CHRM2: variants seen among roughly 807,000 people sequenced by gnomAD.
CHRM2 encodes muscarinic acetylcholine receptor M2.
In CHRM2, 8 loss-of-function variants were observed where a neutral mutation model predicts 25.0. The observed-to-expected ratio is 0.32, with a 90% CI of 0.19 to 0.58. The LOEUF (loss-of-function observed/expected upper bound fraction) is 0.58. Among genes scored for constraint, CHRM2 ranks in the 20% least tolerant of loss-of-function variants. The pLI, the probability that CHRM2 is intolerant of heterozygous loss-of-function variation, is 0.88. For missense variants in CHRM2, 440 were observed against 567.1 expected (o/e 0.78, Z 2.28); for synonymous variants, 202 against 205.7 (o/e 0.98, Z 0.15).
intron 2 of CHRM2, among the ~76,000 whole-genome samples, chr7:136,944,488 T>G (rs574270689): frequency 6.7e-6 from 1 of 149,594 alleles, no homozygotes; most frequent in East Asian, 1.9e-4. Context: ...TGTGTGTGTG[T>G]ACATGTATAC....
At chr7:136,991,781 T>C (rs551130158) in intron 2 of CHRM2, among the ~76,000 whole-genome samples, 204 of 152,304 alleles carry the variant, frequency 1.3e-3, no homozygotes, top group African/African-American at 3.8e-3. Flanking sequence ...TTCTGTATGA[T>C]GAAACTTAGC....
At chr7:136,929,654 C>A (rs533295539) in intron 2 of CHRM2, among the ~76,000 whole-genome samples, 1 of 152,140 alleles carries the variant, frequency 6.6e-6, no homozygotes, top group South Asian at 2.1e-4. Context: ...GTGACAATAA[C>A]CTCGTGGTTA....
At chr7:136,997,013 A>G (rs541645902) in intron 3 of CHRM2, among the ~76,000 whole-genome samples, 1 of 152,310 alleles carries the variant, frequency 6.6e-6, no homozygotes, top group Admixed American at 6.5e-5. Context: ...ACCCAGCTGT[A>G]TCTCAACAGT....
intron 2 of CHRM2, among the ~76,000 whole-genome samples, chr7:136,922,743 T>C (rs1197266161): frequency 1.3e-5 from 2 of 152,186 alleles, no homozygotes; most frequent in African/African-American, 2.4e-5. Context: ...CCTGAGCAAC[T>C]AGGAGCAATT....
chr7:136,896,491 A>C (rs1796907721), intron 2 of CHRM2, among the ~76,000 whole-genome samples: 1 of 152,096 alleles, frequency 6.6e-6, no homozygotes, highest in Non-Finnish European at 1.5e-5. Flanking sequence ...TCATTGACTA[A>C]ATTGTAAGCC....
chr7:136,913,773 T>C (rs1175472597), intron 2 of CHRM2, among the ~76,000 whole-genome samples: 1 of 151,976 alleles, frequency 6.6e-6, no homozygotes, highest in Non-Finnish European at 1.5e-5. Flanking sequence ...ATTATAAAGC[T>C]GAAGCCCAGA....
chr7:136,963,978 C>T (rs1801254762), intron 2 of CHRM2, among the ~76,000 whole-genome samples: 2 of 152,056 alleles, frequency 1.3e-5, no homozygotes, highest in South Asian at 4.1e-4. Context: ...CTGCACTGTT[C>T]GGCTGGGTTC....
intron 2 of CHRM2, among the ~76,000 whole-genome samples, chr7:136,905,234 AGTTTTT>A (rs1250190370): frequency 6.6e-6 from 1 of 151,758 alleles, no homozygotes; most frequent in Non-Finnish European, 1.5e-5. Flanking sequence ...TAAGCTTTTC[AGTTTTT>A]GAGTTGTTTG....
intron 2 of CHRM2, among the ~76,000 whole-genome samples, chr7:136,949,808 C>T (rs1430166609): frequency 4.0e-5 from 6 of 151,192 alleles, no homozygotes; most frequent in African/African-American, 1.2e-4. Flanking sequence ...GGCGCGATCT[C>T]GGCTCACTGC....
At chr7:136,985,088 C>A (rs1802757063) in intron 2 of CHRM2, among the ~76,000 whole-genome samples, 1 of 152,130 alleles carries the variant, frequency 6.6e-6, no homozygotes, top group Non-Finnish European at 1.5e-5. Flanking sequence ...GTTCTAGTAT[C>A]ATGGTAAGGT....
intron 3 of CHRM2, among the ~76,000 whole-genome samples, chr7:137,001,627 G>A (rs763423917): frequency 3.9e-5 from 6 of 152,112 alleles, no homozygotes; most frequent in African/African-American, 9.7e-5. Flanking sequence ...AGATTTGGCC[G>A]TGGCACACTG....
At position 137,015,759 on chromosome 7, in the gene CHRM2, T is replaced by C. The variant is rs1217220669; in HGVS notation, c.894T>C (p.Asp298=). ...GTGCTGTTGCCTCTAATATGAGAGA[T>C]GATGAAATAACCCAGGATGAAAACA... is the stretch of plus-strand genomic sequence containing the variant. ...SVSAVASNMR[D]DEITQDENTV... is the part of the protein sequence containing the mutation. Residue 298 remains aspartate (D), a synonymous_variant, in exon 4 of 4, where the codon GAT becomes GAC. Transcript: ENST00000680005. The surrounding 1 kb of genome is among the most constrained non-coding windows in gnomAD (Gnocchi z 5.1). 4 of 1,613,132 alleles carry C rather than the reference T, an allele frequency of 2.5e-6. No homozygotes were observed. The highest frequency in any genetic ancestry group is 4.5e-5 in the East Asian group (2 of 44,738).
intron 2 of CHRM2, chr7:136,902,715 A>G (rs1797295649): frequency 5.8e-6 from 1 of 172,944 alleles, no homozygotes; most frequent in Non-Finnish European, 1.2e-5. Flanking sequence ...TTTAAACATG[A>G]CTATCAGCTA....
intron 2 of CHRM2, among the ~76,000 whole-genome samples, chr7:136,967,044 A>G (rs1180498946): frequency 1.3e-5 from 2 of 151,970 alleles, no homozygotes; most frequent in East Asian, 3.9e-4. Flanking sequence ...AACAATAATG[A>G]TTCACAAGAA....
intron 2 of CHRM2, among the ~76,000 whole-genome samples, chr7:136,965,125 A>G (rs1801331209): frequency 6.6e-6 from 1 of 152,150 alleles, no homozygotes; most frequent in African/African-American, 2.4e-5. Flanking sequence ...GTGAGCTTTA[A>G]AATTATGATA....
chr7:136,949,741 GA>G (rs1800287311), intron 2 of CHRM2, among the ~76,000 whole-genome samples: 1 of 34,952 alleles, frequency 2.9e-5, no homozygotes, highest in Admixed American at 5.0e-4. Flanking sequence ...AACAGTATTT[GA>G]TTTTTTTTTT....
chr7:136,994,890 T>C (rs2131034365), intron 3 of CHRM2, among the ~76,000 whole-genome samples: 1 of 152,260 alleles, frequency 6.6e-6, no homozygotes, highest in East Asian at 1.9e-4. Context: ...ACTGTATTCA[T>C]TGTTTTGGAA....
At chr7:136,904,680 T>C (rs944142200) in intron 2 of CHRM2, among the ~76,000 whole-genome samples, 2 of 151,930 alleles carry the variant, frequency 1.3e-5, no homozygotes, top group East Asian at 1.9e-4. Context: ...AAAATTTTGA[T>C]ACTTCTTCTT....
At chr7:136,884,129 A>C (rs1796368914) in intron 2 of CHRM2, among the ~76,000 whole-genome samples, 2 of 152,162 alleles carry the variant, frequency 1.3e-5, no homozygotes, top group South Asian at 4.1e-4. Flanking sequence ...ATAGTTAAAA[A>C]TTAATTACAC....
Sources: allele counts gnomAD v4.1 joint callset (sites outside exome capture counted in the v4.1 genomes callset), GRCh38; gene constraint gnomAD v4.1.1; non-coding constraint Gnocchi (gnomAD v3.1); transcripts MANE v1.5; gene names NCBI Gene and HGNC (gene_info 2026-07-23, HGNC 2026-07-21).